Variants in UNC5B observed in about 807,000 individuals in gnomAD.
The protein encoded by UNC5B is netrin receptor UNC5B.
A neutral mutation model predicts 103.7 loss-of-function variants in UNC5B; 56 were observed. That is an observed-to-expected ratio of 0.54 (90% CI 0.44 to 0.67). The LOEUF is 0.67. UNC5B is among the 30% of genes least tolerant of loss of function. UNC5B has a pLI of 0.00. For missense variants in UNC5B, 1,194 were observed against 1,284.5 expected (o/e 0.93, Z 1.08); for synonymous variants, 577 against 542.0 (o/e 1.06, Z -0.90).
chr10:71,292,315 TC>T (rs113020370), intron 10 of UNC5B, 151 bp from the exon 11 acceptor site: 3 of 650,900 alleles, frequency 4.6e-6, no homozygotes, highest in African/African-American at 1.8e-5. Flanking sequence ...TCTGCTTGCA[TC>T]CAGTCCCCAG....
chr10:71,235,668 C>T (rs1843761446), intron 1 of UNC5B, among the ~76,000 whole-genome samples: 1 of 152,132 alleles, frequency 6.6e-6, no homozygotes, highest in African/African-American at 2.4e-5. Context: ...TTCCCGGAGC[C>T]CAGCCTCCAG....
At chr10:71,269,934 G>A (rs916890514) in intron 1 of UNC5B, among the ~76,000 whole-genome samples, 4 of 152,176 alleles carry the variant, frequency 2.6e-5, no homozygotes, top group Admixed American at 6.5e-5. Flanking sequence ...AAGAGAATAT[G>A]TGTGTGTGGG....
rs58378731 is a variant in UNC5B at position 71,224,364 on chromosome 10, GACACACACAC to G, written c.79+11343_79+11352del. 6.7e-3 allele frequency among the ~76,000 whole-genome samples: 655 copies of G among 97,340 alleles called. 16 individuals are homozygous for G. Among genetic ancestry groups the G allele is most frequent in the African/African-American group, 0.016 (410 of 26,192 alleles). 63.9% of individuals were successfully genotyped at this position (97,340 alleles called of 152,430 possible). On this transcript the variant is annotated intron_variant, in intron 1 of 16. Coordinates refer to ENST00000335350, the MANE Select transcript of UNC5B (RefSeq NM_170744.5). ...CTGGTCCATCCCACTTCTGTATGTA[GACACACACAC>G]ACACACACACACACACACACACACA...
Position 71,293,950 on chromosome 10 carries a change from G to A in UNC5B, c.2175+17G>A, listed in dbSNP as rs769766914. On this transcript the variant is annotated intron_variant, in intron 13 of 16. Transcript: ENST00000335350. Reference sequence around the variant, plus strand: ...GCACTGAAGGTAGGGCCAGCTGCAGGTGCCCACACAGCCCTGGCCGGCCAG... The same window carrying A: ...GCACTGAAGGTAGGGCCAGCTGCAGATGCCCACACAGCCCTGGCCGGCCAG... 6.3e-7 allele frequency: 1 copy of A among 1,576,000 alleles called. No individual in the cohort carries two copies. Among genetic ancestry groups the A allele is most frequent in the Non-Finnish European group, 8.6e-7 (1 of 1,165,416 alleles).
chr10:71,239,645 C>T (rs1843851608), intron 1 of UNC5B, among the ~76,000 whole-genome samples: 1 of 152,168 alleles, frequency 6.6e-6, no homozygotes, highest in Non-Finnish European at 1.5e-5. Flanking sequence ...GCCCACTCCA[C>T]CCCCAGTCCT....
At chr10:71,292,106 A>G (rs1489081775) in intron 10 of UNC5B, among the ~76,000 whole-genome samples, 1 of 152,244 alleles carries the variant, frequency 6.6e-6, no homozygotes, top group Non-Finnish European at 1.5e-5. Context: ...GTAGTTCAGC[A>G]GACCTACAAA....
rs1213260750 is a variant in UNC5B, at chr10:71,299,478, TC to T, written c.*203del. On this transcript the variant is annotated 3_prime_UTR_variant, in exon 17 of 17. Coordinates refer to ENST00000335350, the MANE Select transcript of UNC5B (RefSeq NM_170744.5). ...ACTCTGTTGTTAGAGGGCCCAGAGT[TC>T]CTTCTCCACCCCCGCTCTCTCTCTC... The T allele has an allele frequency of 3.3e-6, 2 of 600,436 alleles. No individual in the cohort carries two copies. The highest frequency in any genetic ancestry group is 1.9e-5 in the African/African-American group (1 of 53,860). 37.2% of individuals were successfully genotyped at this position (600,436 alleles called of 1,614,324 possible).
intron 1 of UNC5B, among the ~76,000 whole-genome samples, chr10:71,219,664 C>CA (rs1023188679): frequency 6.6e-6 from 1 of 152,226 alleles, no homozygotes; most frequent in African/African-American, 2.4e-5. Flanking sequence ...AGTTGACACT[C>CA]AGTATTAACC....
Position 71,286,674 on chromosome 10 carries a change from C to A in UNC5B, c.553-15C>A. 2 of 1,613,730 alleles carry A rather than the reference C, an allele frequency of 1.2e-6. No homozygotes were observed. The highest frequency in any genetic ancestry group is 1.7e-6 in the Non-Finnish European group (2 of 1,179,756). ...GTCCTGGGCCCTCACTGCCCCCTCA[C>A]CCCCACTCTTGCAGGTGGAATGGCT... On this transcript the variant is annotated splice_polypyrimidine_tract_variant and intron_variant, in intron 4 of 16. Transcript: ENST00000335350.
rs1397803897 is a variant in UNC5B at position 71,213,309 on chromosome 10, C to A, written c.79+245C>A. On this transcript the variant is annotated intron_variant, in intron 1 of 16. Transcript: ENST00000335350. This position sits in a 1 kb window ranked among gnomAD's most constrained non-coding sequence, Gnocchi z 4.1. Reference sequence around the variant, plus strand: ...TCCCTGCTCGCTCCTGAAAGGGATCCCTTCTTCTCCCTGGAAGGGGTGTAG... The same window carrying A: ...TCCCTGCTCGCTCCTGAAAGGGATCACTTCTTCTCCCTGGAAGGGGTGTAG... 6.6e-6 allele frequency among the ~76,000 whole-genome samples: 1 copy of A among 152,160 alleles called. No individual in the cohort carries two copies. Among genetic ancestry groups the A allele is most frequent in the Non-Finnish European group, 1.5e-5 (1 of 68,028 alleles).
Position 71,213,083 on chromosome 10 carries a change from T to G in UNC5B, c.79+19T>G. 7.5e-7 allele frequency: 1 copy of G among 1,325,602 alleles called. No homozygotes were observed. The highest frequency in any genetic ancestry group is 9.7e-7 in the Non-Finnish European group (1 of 1,031,026). The allele number at this position is 1,325,602 out of a possible 1,614,324, so 82.1% of individuals were successfully genotyped here. Reference sequence around the variant, plus strand: ...CAAGCAGGTAGGAAGCGATCGGGTCTGGGGGCGCGGGGCTAGGGGACCCTT... The same window carrying G: ...CAAGCAGGTAGGAAGCGATCGGGTCGGGGGGCGCGGGGCTAGGGGACCCTT... On this transcript the variant is annotated intron_variant, in intron 1 of 16. Coordinates refer to ENST00000335350, the MANE Select transcript of UNC5B (RefSeq NM_170744.5). The surrounding 1 kb of genome is among the most constrained non-coding windows in gnomAD (Gnocchi z 4.1).
chr10:71,258,507 C>T (rs1034063794), intron 1 of UNC5B, among the ~76,000 whole-genome samples: 3 of 152,202 alleles, frequency 2.0e-5, no homozygotes, highest in Non-Finnish European at 2.9e-5. Flanking sequence ...AAGCCTGGCC[C>T]CTTCCTGAGC....
chr10:71,265,363 T>C (rs1201178295), intron 1 of UNC5B, among the ~76,000 whole-genome samples: 1 of 152,122 alleles, frequency 6.6e-6, no homozygotes, highest in Non-Finnish European at 1.5e-5. Flanking sequence ...AGGTAACCCT[T>C]GCAGGCTGAG....
At chr10:71,295,990 G>C in intron 14 of UNC5B, 30 bp downstream of exon 14, 2 of 1,612,064 alleles carry the variant, frequency 1.2e-6, no homozygotes, top group Non-Finnish European at 1.7e-6. Context: ...ATGGGGAGGG[G>C]CACCACTTAA....
intron 1 of UNC5B, among the ~76,000 whole-genome samples, chr10:71,221,542 C>T (rs1388488208): frequency 1.3e-5 from 2 of 152,212 alleles, no homozygotes; most frequent in African/African-American, 4.8e-5. Context: ...ATTCATTCAG[C>T]CTGAGCAAGT....
At chr10:71,261,001 C>T (rs144719572) in intron 1 of UNC5B, among the ~76,000 whole-genome samples, 16 of 152,318 alleles carry the variant, frequency 1.1e-4, no homozygotes, top group Admixed American at 3.9e-4. Flanking sequence ...GCAGAGCAGC[C>T]GGCTGGTTCA....
chr10:71,278,402 C>CAGAACATG (rs145419810), intron 1 of UNC5B, among the ~76,000 whole-genome samples: 1,903 of 152,312 alleles, frequency 0.012, 41 homozygotes, highest in African/African-American at 0.044. Context: ...CTGGGCCCTA[C>CAGAACATG]AGAACATGCT....
At position 71,286,790 on chromosome 10, in the gene UNC5B, G is replaced by C; in HGVS notation, c.654G>C (p.Ser218=). 2 of 1,614,156 alleles carry C rather than the reference G, an allele frequency of 1.2e-6. No homozygotes were observed. Among genetic ancestry groups the C allele is most frequent in the Non-Finnish European group, 8.5e-7 (1 of 1,180,032 alleles). ...TCATCATCCGCCAGGCCCGCCTGTC[G>C]GACACTGCCAACTATACCTGCGTGG... The part of the protein sequence containing the change: ...HNLIIRQARL[S]DTANYTCVAK... The change falls in exon 5 of 17, where the codon TCG becomes TCC. Residue 218 remains serine, a synonymous_variant. Transcript: ENST00000335350.
rs755281605 is a variant in UNC5B at position 71,280,009 on chromosome 10, G to A, written c.268G>A (p.Asp90Asn). The A allele has an allele frequency of 6.2e-6, 10 of 1,614,014 alleles. No individual in the cohort carries two copies. Among genetic ancestry groups the A allele is most frequent in the East Asian group, 4.5e-5 (2 of 44,886 alleles). ...CAACGGCGAGTGGGTCAGCCAGAAC[G>A]ACCACGTCACACAGGAAGGCCTGGA... Reference protein sequence around the residue: ...KCNGEWVSQNDHVTQEGLDEA... With the variant: ...KCNGEWVSQNNHVTQEGLDEA... The change falls in exon 2 of 17, where the codon GAC becomes AAC. Residue 90 changes from aspartate (D) to asparagine (N), a missense_variant. Physicochemically the swap from Asp to Asn is conservative, Grantham distance 23. Transcript: ENST00000335350.
Sources: gnomAD v4.1 joint callset for allele counts (sites outside exome capture counted in the v4.1 genomes callset) on GRCh38, gnomAD v4.1.1 for gene constraint, Gnocchi (gnomAD v3.1) non-coding constraint, MANE v1.5 for transcripts, NCBI Gene and HGNC (gene_info 2026-07-23, HGNC 2026-07-21) for gene names.